The following FAM216A variants were observed in gnomAD, a reference collection of about 807,000 sequenced individuals.
FAM216A encodes protein FAM216A.
In FAM216A, 26 loss-of-function variants were observed where a neutral mutation model predicts 37.6. That is an observed-to-expected ratio of 0.69 (90% CI 0.51 to 0.96). FAM216A has a LOEUF of 0.96. Ranked by LOEUF, FAM216A falls within the 40% of genes least tolerant of loss-of-function variation. The pLI, the probability that FAM216A is intolerant of heterozygous loss-of-function variation, is 0.00. For missense variants in FAM216A, 326 were observed against 339.3 expected (o/e 0.96, Z 0.31); for synonymous variants, 110 against 121.7 (o/e 0.90, Z 0.64).
chr12:110,477,055 G>C (rs1415132305), intron 2 of FAM216A, among the ~76,000 whole-genome samples: 3 of 152,174 alleles, frequency 2.0e-5, no homozygotes, highest in Admixed American at 2.0e-4. Context: ...CCCTAAATTT[G>C]GGTTTGTTTG....
At chr12:110,484,150 C>T (rs1236516221) in intron 2 of FAM216A, among the ~76,000 whole-genome samples, 2 of 151,408 alleles carry the variant, frequency 1.3e-5, no homozygotes, top group South Asian at 2.1e-4. Context: ...AAAGTTAGGC[C>T]GGGCGCCGTG....
intron 2 of FAM216A, among the ~76,000 whole-genome samples, chr12:110,475,049 A>G (rs116483530): frequency 0.01 from 1,590 of 152,068 alleles, 34 homozygotes; most frequent in Middle Eastern, 0.041. Context: ...AAAAGTTTTT[A>G]TTTTCTTTTT....
At chr12:110,479,847 C>CAA (rs201378870) in intron 2 of FAM216A, among the ~76,000 whole-genome samples, 1 of 148,792 alleles carries the variant, frequency 6.7e-6, no homozygotes, top group African/African-American at 2.5e-5. Flanking sequence ...AAAAAAAACC[C>CAA]AAAAAAAACA....
At chr12:110,471,621 A>T (rs1354765289) in intron 1 of FAM216A, among the ~76,000 whole-genome samples, 1 of 152,220 alleles carries the variant, frequency 6.6e-6, no homozygotes, top group Non-Finnish European at 1.5e-5. Flanking sequence ...ATGTGATCTT[A>T]CTTTACTTAA....
At position 110,474,418 on chromosome 12, in the gene FAM216A, G is replaced by A. The variant is rs149881396; in HGVS notation, c.184+1300G>A. Among the ~76,000 whole-genome samples the A allele has an allele frequency of 5.1e-3, 778 of 152,054 alleles. 1 individual carries two copies. The highest frequency in any genetic ancestry group is 8.8e-3 in the Non-Finnish European group (595 of 67,998). ...AAATAATTACTACTAGGCCGGGCAC[G>A]GTGGCTCACACCTGTAATCCCAGTA... is the stretch of plus-strand genomic sequence containing the variant. On this transcript the variant is annotated intron_variant, in intron 2 of 6. Coordinates refer to ENST00000377673, the MANE Select transcript of FAM216A (RefSeq NM_013300.3).
intron 2 of FAM216A, among the ~76,000 whole-genome samples, chr12:110,477,482 A>G (rs1437974288): frequency 1.3e-5 from 2 of 150,802 alleles, no homozygotes; most frequent in Non-Finnish European, 3.0e-5. Context: ...CTTCCTGAGT[A>G]GCTGGGACTA....
chr12:110,477,864 T>C (rs920750672), intron 2 of FAM216A, among the ~76,000 whole-genome samples: 6 of 151,816 alleles, frequency 4.0e-5, no homozygotes, highest in Non-Finnish European at 8.8e-5. Context: ...CCTGCCACCA[T>C]GCCCGGCTAA....
intron 2 of FAM216A, among the ~76,000 whole-genome samples, chr12:110,478,922 C>T (rs992211917): frequency 1.3e-5 from 2 of 152,146 alleles, no homozygotes; most frequent in African/African-American, 4.8e-5. Flanking sequence ...GGCGCGGTGG[C>T]TCACGTCTGT....
chr12:110,486,888 TA>T lies in FAM216A; in HGVS notation c.620+172del, dbSNP rs1565854645. Reference sequence around the variant, plus strand: ...CTCCTGCCTCAGACTCCCAAGTAGCTAGGGCTAAAGGCACAAACCACCATGC... The same window carrying T: ...CTCCTGCCTCAGACTCCCAAGTAGCTGGGCTAAAGGCACAAACCACCATGC... On this transcript the variant is annotated intron_variant, in intron 5 of 6. Coordinates refer to ENST00000377673, the MANE Select transcript of FAM216A (RefSeq NM_013300.3). 14 of 613,462 alleles carry T rather than the reference TA, an allele frequency of 2.3e-5. No homozygotes were observed. In the African/African-American group the frequency reaches 2.6e-4, roughly 11 times the overall value. 38.0% of individuals were successfully genotyped at this position (613,462 alleles called of 1,614,324 possible). A position where few individuals can be genotyped will look rare whatever the true frequency, so the allele number is the denominator to read the frequency against.
At chr12:110,481,122 A>G (rs2062744477) in intron 2 of FAM216A, among the ~76,000 whole-genome samples, 1 of 152,128 alleles carries the variant, frequency 6.6e-6, no homozygotes, top group African/African-American at 2.4e-5. Flanking sequence ...AAGCTAAATA[A>G]TATTCCATTG....
At chr12:110,470,970 A>G (rs2062683584) in intron 1 of FAM216A, among the ~76,000 whole-genome samples, 1 of 152,222 alleles carries the variant, frequency 6.6e-6, no homozygotes, top group Non-Finnish European at 1.5e-5. Flanking sequence ...GCTACATGAT[A>G]CAATGTTGGC....
chr12:110,468,788 G>A (rs1219617033), upstream of FAM216A: 1 of 1,460,874 alleles, frequency 6.8e-7, no homozygotes, highest in East Asian at 2.5e-5. Flanking sequence ...GGCAGTGTCC[G>A]AACGGCTTCG....
chr12:110,469,303 C>A, intron 1 of FAM216A: 1 of 362,982 alleles, frequency 2.8e-6, no homozygotes, highest in Non-Finnish European at 4.9e-6. Flanking sequence ...TCTCTCTGCC[C>A]CGAGGGGGCG....
chr12:110,486,719 T>C lies in FAM216A; in HGVS notation c.620+2T>C, dbSNP rs2062779176. The C allele has an allele frequency of 1.2e-6, 2 of 1,610,546 alleles. No homozygotes were observed. The highest frequency in any genetic ancestry group is 1.3e-5 in the African/African-American group (1 of 74,634). Reference sequence around the variant, plus strand: ...GCGGCCAGTGAGAAACAAAGAAGGGTCTGTTTCTTAGTGTAAAAGGGGGGA... The same window carrying C: ...GCGGCCAGTGAGAAACAAAGAAGGGCCTGTTTCTTAGTGTAAAAGGGGGGA... On this transcript the variant is annotated splice_donor_variant, in intron 5 of 6. Transcript: ENST00000377673. LOFTEE classifies it high-confidence loss of function.
intron 1 of FAM216A, among the ~76,000 whole-genome samples, chr12:110,472,031 AGACC>A (rs2062689549): frequency 6.6e-6 from 1 of 151,868 alleles, no homozygotes; most frequent in African/African-American, 2.4e-5. Flanking sequence ...CAGGAGTTTG[AGACC>A]GGCCTGGCCA....
intron 5 of FAM216A, chr12:110,487,013 G>A: frequency 3.3e-6 from 1 of 306,008 alleles, no homozygotes; most frequent in East Asian, 6.7e-5. Context: ...TTACAGGCGT[G>A]AGCTACTGTG....
At chr12:110,479,046 G>T (rs1387557371) in intron 2 of FAM216A, among the ~76,000 whole-genome samples, 1 of 151,894 alleles carries the variant, frequency 6.6e-6, no homozygotes, top group Non-Finnish European at 1.5e-5. Context: ...AAAATTAGCC[G>T]GGCGTCGTGG....
rs753426890 is a variant in FAM216A, at chr12:110,486,739, G to C, written c.620+22G>C. 3.8e-6 allele frequency: 6 copies of C among 1,586,638 alleles called. No individual in the cohort carries two copies. In the South Asian group the frequency reaches 4.6e-5, roughly 12 times the overall value. On this transcript the variant is annotated intron_variant, in intron 5 of 6. Coordinates refer to ENST00000377673, the MANE Select transcript of FAM216A (RefSeq NM_013300.3). ...AAGGGTCTGTTTCTTAGTGTAAAAG[G>C]GGGGAAATGCATCTCAGTTTAATTT...
intron 2 of FAM216A, among the ~76,000 whole-genome samples, chr12:110,478,645 G>C (rs1188769976): frequency 6.6e-6 from 1 of 152,034 alleles, no homozygotes; most frequent in African/African-American, 2.4e-5. Context: ...GGTTTTGTAA[G>C]GAACTGAATT....
Sources: gnomAD v4.1 joint callset for allele counts (sites outside exome capture counted in the v4.1 genomes callset) on GRCh38, gnomAD v4.1.1 for gene constraint, MANE v1.5 for transcripts, NCBI Gene and HGNC (gene_info 2026-07-23, HGNC 2026-07-21) for gene names.